TIAM1: variants seen among roughly 807,000 people sequenced by gnomAD.
The protein encoded by TIAM1 is rho guanine nucleotide exchange factor TIAM1.
In TIAM1, 65 loss-of-function variants were observed where a neutral mutation model predicts 163.5. That is an observed-to-expected ratio of 0.40 (90% CI 0.33 to 0.49). TIAM1 has a LOEUF of 0.49. Among genes scored for constraint, TIAM1 ranks in the 20% least tolerant of loss-of-function variants. The pLI is 0.77. For synonymous variants in TIAM1, 833 were observed against 810.1 expected, an observed-to-expected ratio of 1.03 and a Z score of -0.48; for missense variants, 1,789 against 2,044.7, an observed-to-expected ratio of 0.87 and a Z score of 2.41.
At chr21:31,444,177 G>A (rs969337984) in intron 2 of TIAM1, among the ~76,000 whole-genome samples, 1 of 152,114 alleles carries the variant, frequency 6.6e-6, no homozygotes, top group Non-Finnish European at 1.5e-5. Flanking sequence ...CTGTCCCACG[G>A]AAATTACAGC....
intron 16 of TIAM1, among the ~76,000 whole-genome samples, chr21:31,161,494 T>TCAA (rs1408818311): frequency 6.6e-6 from 1 of 152,066 alleles, no homozygotes; most frequent in Admixed American, 6.6e-5. Flanking sequence ...ACCACCACGC[T>TCAA]CAACAACAAG....
rs141008388 is a variant in TIAM1, at chr21:31,216,619, C to T, written c.2142+934G>A. ...AACCCCAGCAGGAGACTGGCCTTGG[C>T]GAGTGAAGAAGTCAAATTTAATGGG... On this transcript the variant is annotated intron_variant, in intron 9 of 27. Coordinates refer to ENST00000541036, the MANE Select transcript of TIAM1 (RefSeq NM_001353694.2). Among the ~76,000 whole-genome samples the T allele has an allele frequency of 6.2e-3, 937 of 152,190 alleles. 76 individuals are homozygous for T. The South Asian group carries it at 0.16, about 26-fold the overall frequency.
intron 1 of TIAM1, among the ~76,000 whole-genome samples, chr21:31,488,239 C>A (rs906488293): frequency 6.6e-6 from 1 of 152,182 alleles, no homozygotes; most frequent in Non-Finnish European, 1.5e-5. Context: ...GGGAGCTTTA[C>A]AATTGGTCCT....
At chr21:31,265,220 T>C (rs1255288899) in intron 4 of TIAM1, among the ~76,000 whole-genome samples, 4 of 147,188 alleles carry the variant, frequency 2.7e-5, no homozygotes, top group African/African-American at 1.1e-4. Context: ...TTTTTTTTTT[T>C]TTTGAGATGG....
intron 2 of TIAM1, among the ~76,000 whole-genome samples, chr21:31,436,319 C>T (rs1000732695): frequency 1.7e-4 from 26 of 152,150 alleles, no homozygotes; most frequent in African/African-American, 6.3e-4. Flanking sequence ...ACTCTTGTTC[C>T]CAAAAGATAA....
intron 2 of TIAM1, among the ~76,000 whole-genome samples, chr21:31,403,241 C>T (rs756046785): frequency 6.6e-6 from 1 of 152,068 alleles, no homozygotes. Flanking sequence ...TCCGCCTCTC[C>T]GGTTCAAGTG....
intron 1 of TIAM1, among the ~76,000 whole-genome samples, chr21:31,465,896 C>T (rs567288579): frequency 1.2e-4 from 19 of 152,132 alleles, no homozygotes; most frequent in African/African-American, 4.1e-4. Context: ...TTAGTAGAGA[C>T]GGGGTTTCAC....
intron 4 of TIAM1, among the ~76,000 whole-genome samples, chr21:31,264,966 A>C (rs1249681568): frequency 1.3e-5 from 2 of 152,222 alleles, no homozygotes; most frequent in African/African-American, 4.8e-5. Flanking sequence ...GAACAGAAGT[A>C]CCAGAAAAGG....
chr21:31,148,156 G>A (rs1360466876), intron 19 of TIAM1, among the ~76,000 whole-genome samples: 2 of 151,936 alleles, frequency 1.3e-5, no homozygotes, highest in African/African-American at 4.8e-5. Flanking sequence ...GTGTCAGCAG[G>A]AGTACCCTGG....
chr21:31,398,504 T>C (rs569789203), intron 2 of TIAM1, among the ~76,000 whole-genome samples: 1 of 152,350 alleles, frequency 6.6e-6, no homozygotes, highest in South Asian at 2.1e-4. Flanking sequence ...ATCTTTTGTA[T>C]TCTCCATCAC....
rs757101615 is a variant in TIAM1 at position 31,182,541 on chromosome 21, G to A, written c.2767C>T (p.Leu923=). The A allele has an allele frequency of 1.9e-6, 3 of 1,614,132 alleles. No homozygotes were observed. The highest frequency in any genetic ancestry group is 2.5e-6 in the Non-Finnish European group (3 of 1,180,004). Residue 923 remains leucine, a synonymous_variant, in exon 15 of 28, where the codon CTG becomes TTG. Transcript: ENST00000541036. The part of the protein sequence containing the change: ...DFLSQPSLGL[L]VRTYPELEEG... ...TCCAGCTCGGGGTAGGTCCTCACCA[G>A]GAGGCCCAGCGAGGGCTGTGAGAGG...
In TIAM1 at chr21:31,120,480, T is replaced by A. The variant is rs2081957487; in HGVS notation, c.4664A>T (p.Lys1555Met). The part of the protein sequence containing the change: ...SHASRMAQLK[K>M]QAALSGINGG... ...ATTGATCCCCGACAGGGCAGCTTGC[T>A]TCTTGAGCTGTGCCATGCGGGACGC... The change falls in exon 28 of 28, where the codon AAG becomes ATG. Residue 1555 changes from lysine (K) to methionine (M), a missense_variant. Around this residue, in one of 5 missense-constraint regions of TIAM1, gnomAD observed 415 missense variants for 439.2 expected, o/e 0.94. Transcript: ENST00000541036. The surrounding 1 kb of genome is among the most constrained non-coding windows in gnomAD (Gnocchi z 4.2). The A allele has an allele frequency of 4.3e-6, 7 of 1,614,120 alleles. No individual in the cohort carries two copies. In the Admixed American group the frequency reaches 1.2e-4, roughly 27 times the overall value.
chr21:31,266,965 T>C lies in TIAM1; in HGVS notation c.8A>G (p.Asn3Ser). The change falls in exon 4 of 28, where the codon AAC becomes AGC. Residue 3 changes from asparagine to serine, a missense_variant. Asn to Ser is a conservative substitution (Grantham distance 46, BLOSUM62 1). Coordinates refer to ENST00000541036, the MANE Select transcript of TIAM1 (RefSeq NM_001353694.2). MG[N>S]AESQHVEHEF... ...GTGCTCTACATGTTGACTTTCTGCG[T>C]TTCCCATGGTTTTATGGTCTGCAGC... The C allele has an allele frequency of 1.2e-6, 2 of 1,600,918 alleles. No homozygotes were observed. The highest frequency in any genetic ancestry group is 1.7e-6 in the Non-Finnish European group (2 of 1,171,264).
At chr21:31,321,500 G>A (rs1017013492) in intron 2 of TIAM1, among the ~76,000 whole-genome samples, 7 of 151,914 alleles carry the variant, frequency 4.6e-5, no homozygotes, top group East Asian at 2.0e-4. Flanking sequence ...TTATAGGCAC[G>A]TGCCACCATA....
intron 2 of TIAM1, among the ~76,000 whole-genome samples, chr21:31,369,865 A>G (rs2076565939): frequency 6.6e-6 from 1 of 152,024 alleles, no homozygotes; most frequent in African/African-American, 2.4e-5. Context: ...CGTGCCTGTA[A>G]TCCCATCTAC....
At chr21:31,343,127 G>C (rs1233700241) in intron 1 of TIAM1, among the ~76,000 whole-genome samples, 1 of 152,076 alleles carries the variant, frequency 6.6e-6, no homozygotes, top group Admixed American at 6.5e-5. Context: ...TCTCATGAAG[G>C]ATTCGCTTAC....
intron 13 of TIAM1, among the ~76,000 whole-genome samples, chr21:31,189,862 C>T (rs929432097): frequency 6.6e-5 from 10 of 152,132 alleles, no homozygotes; most frequent in African/African-American, 2.4e-4. Flanking sequence ...GAATGAAGAA[C>T]ATAATGATTT....
chr21:31,539,326 C>T (rs1417370726), intron 1 of TIAM1, among the ~76,000 whole-genome samples: 1 of 149,664 alleles, frequency 6.7e-6, no homozygotes, highest in African/African-American at 2.5e-5. Flanking sequence ...AGTGCAGTGG[C>T]ACGATCTCGG....
intron 2 of TIAM1, among the ~76,000 whole-genome samples, chr21:31,283,250 A>T (rs1006797498): frequency 3.9e-5 from 6 of 152,144 alleles, no homozygotes; most frequent in African/African-American, 1.4e-4. Context: ...CCTTTGACTG[A>T]CAGCTGCCAA....
Sources: gnomAD v4.1 joint callset for allele counts (sites outside exome capture counted in the v4.1 genomes callset) on GRCh38, gnomAD v4.1.1 for gene constraint, gnomAD v4.1.1 regional missense constraint, Gnocchi (gnomAD v3.1) non-coding constraint, MANE v1.5 for transcripts, NCBI Gene and HGNC (gene_info 2026-07-23, HGNC 2026-07-21) for gene names.